Variants in DAAM1 observed in about 807,000 individuals in gnomAD.
The protein encoded by DAAM1 is dishevelled associated activator of morphogenesis 1.
A neutral mutation model predicts 130.0 loss-of-function variants in DAAM1; 52 were observed. That is an observed-to-expected ratio of 0.40 (90% CI 0.32 to 0.50). The LOEUF is 0.50. DAAM1 is among the 20% of genes least tolerant of loss of function. The pLI, the probability that DAAM1 is intolerant of heterozygous loss-of-function variation, is 0.61. For missense variants in DAAM1, 1,134 were observed against 1,303.8 expected (o/e 0.87, Z 2.01); for synonymous variants, 452 against 444.5 (o/e 1.02, Z -0.21).
intron 3 of DAAM1, among the ~76,000 whole-genome samples, chr14:59,294,775 G>A (rs897964962): frequency 8.8e-5 from 13 of 147,172 alleles, no homozygotes; most frequent in Admixed American, 6.1e-4. Context: ...ATTTTAAACT[G>A]AAGCTTTTTA....
chr14:59,281,372 C>T (rs577946725), intron 2 of DAAM1, among the ~76,000 whole-genome samples: 1 of 152,156 alleles, frequency 6.6e-6, no homozygotes, highest in African/African-American at 2.4e-5. Context: ...GGTGAAGTGG[C>T]GTATTTAAAG....
intron 2 of DAAM1, among the ~76,000 whole-genome samples, chr14:59,289,784 A>ATATATATATATATATATATATATAT: frequency 4.8e-4 from 62 of 128,642 alleles, no homozygotes; most frequent in South Asian, 7.3e-4. Flanking sequence ...ATATATATAT[A>ATATATATATATATATATATATATAT]ATGGAATGCT....
intron 1 of DAAM1, among the ~76,000 whole-genome samples, chr14:59,191,390 C>A (rs1288431988): frequency 1.3e-5 from 2 of 151,724 alleles, no homozygotes; most frequent in Non-Finnish European, 2.9e-5. Context: ...TTTTCTGTCC[C>A]CCCAGCATTT....
chr14:59,308,429 T>C (rs1415419248), intron 3 of DAAM1, among the ~76,000 whole-genome samples: 51 of 152,222 alleles, frequency 3.4e-4, no homozygotes, highest in Non-Finnish European at 1.5e-5. Flanking sequence ...ATTAAACTTA[T>C]TCCATGCAGT....
intron 3 of DAAM1, among the ~76,000 whole-genome samples, chr14:59,301,383 G>A (rs76990548): frequency 0.062 from 9,461 of 151,928 alleles, 379 homozygotes; most frequent in Non-Finnish European, 0.093. Flanking sequence ...AATATTGAAC[G>A]AATTGTTCAT....
At chr14:59,324,268 T>C (rs1885126206) in intron 7 of DAAM1, 30 bp downstream of exon 7, 1 of 1,381,592 alleles carries the variant, frequency 7.2e-7, no homozygotes, top group Non-Finnish European at 9.5e-7. Flanking sequence ...TAAAAATATA[T>C]TAGTAAATAA....
In DAAM1 at chr14:59,368,869, A is replaced by T. The variant is rs906950382; in HGVS notation, c.*10A>T. 1 of 1,612,024 alleles carries T rather than the reference A, an allele frequency of 6.2e-7. No homozygotes were observed. Among genetic ancestry groups the T allele is most frequent in the Non-Finnish European group, 8.5e-7 (1 of 1,178,838 alleles). ...AAAACTTAATTTCTAATTTTCCATG[A>T]ATACTTTTTTTTAGAAAGCTCATTA... On this transcript the variant is annotated 3_prime_UTR_variant, in exon 25 of 25. Coordinates refer to ENST00000360909, the MANE Select transcript of DAAM1 (RefSeq NM_001270520.2).
intron 15 of DAAM1, chr14:59,338,461 C>T: frequency 6.2e-7 from 1 of 1,600,032 alleles, no homozygotes; most frequent in Non-Finnish European, 8.6e-7. Flanking sequence ...CTCCTTGGCT[C>T]ACTGTAAGCT....
At chr14:59,268,947 C>A (rs1264751012) in intron 2 of DAAM1, among the ~76,000 whole-genome samples, 1 of 152,218 alleles carries the variant, frequency 6.6e-6, no homozygotes, top group African/African-American at 2.4e-5. Context: ...CTAAGCGTGA[C>A]AACTCTATAA....
At position 59,326,656 on chromosome 14, in the gene DAAM1, T is replaced by C. The variant is rs1172899486; in HGVS notation, c.1313+8T>C. ...TAAGAATGTCGTACGAATGTAAGTC[T>C]CTTCTTATTCTGCTGCTGTGAGATA... is the stretch of plus-strand genomic sequence containing the variant. On this transcript the variant is annotated splice_region_variant and intron_variant, in intron 11 of 24. Transcript: ENST00000360909. 2.5e-6 allele frequency: 4 copies of C among 1,609,244 alleles called. No homozygotes were observed. The East Asian group carries it at 8.9e-5, about 36-fold the overall frequency.
chr14:59,216,582 G>A (rs920636803), intron 1 of DAAM1, among the ~76,000 whole-genome samples: 1 of 152,118 alleles, frequency 6.6e-6, no homozygotes, highest in Non-Finnish European at 1.5e-5. Context: ...CTAGTTGCTC[G>A]TGGTGGCATG....
chr14:59,344,719 G>A (rs1473932790), intron 16 of DAAM1, among the ~76,000 whole-genome samples: 2 of 152,190 alleles, frequency 1.3e-5, no homozygotes, highest in African/African-American at 4.8e-5. Flanking sequence ...ATTAGAGCTA[G>A]TGTTTAGTCC....
chr14:59,360,601 C>A, intron 21 of DAAM1: 1 of 391,390 alleles, frequency 2.6e-6, no homozygotes. Flanking sequence ...CTGCTGGCTA[C>A]AGAAAACAAA....
At chr14:59,201,404 C>G (rs907219772) in intron 1 of DAAM1, among the ~76,000 whole-genome samples, 2 of 151,986 alleles carry the variant, frequency 1.3e-5, no homozygotes, top group African/African-American at 2.4e-5. Context: ...GGGTGGACCA[C>G]CTGAGGTCAG....
chr14:59,278,623 T>A (rs1042771994), intron 2 of DAAM1, among the ~76,000 whole-genome samples: 1 of 152,140 alleles, frequency 6.6e-6, no homozygotes, highest in East Asian at 1.9e-4. Context: ...AAAAACAAAC[T>A]GAAAAGGTTC....
rs558684148 is a variant in DAAM1 at position 59,340,252 on chromosome 14, A to G, written c.2075+72A>G. ...ATTCTGTGGCTCAAAACCACATGTT[A>G]GTGATTTTGTTTTAATTGTACTCTG... is the stretch of plus-strand genomic sequence containing the variant. On this transcript the variant is annotated intron_variant, in intron 16 of 24. Transcript: ENST00000360909. The G allele has an allele frequency of 1.9e-5, 28 of 1,438,858 alleles. No individual in the cohort carries two copies. The African/African-American group carries it at 2.1e-4, about 11-fold the overall frequency. 89.1% of individuals were successfully genotyped at this position (1,438,858 alleles called of 1,614,324 possible).
chr14:59,214,259 C>T (rs893297898), intron 1 of DAAM1, among the ~76,000 whole-genome samples: 3 of 152,152 alleles, frequency 2.0e-5, no homozygotes, highest in South Asian at 2.1e-4. Context: ...TTCTTGTATA[C>T]GTTGGTTTAA....
intron 1 of DAAM1, among the ~76,000 whole-genome samples, chr14:59,236,830 T>C: frequency 6.6e-6 from 1 of 152,248 alleles, no homozygotes; most frequent in African/African-American, 2.4e-5. Context: ...ATTTGTAATA[T>C]AAGTGGTTTT....
chr14:59,189,984 A>G (rs765994104), intron 1 of DAAM1, among the ~76,000 whole-genome samples: 2 of 152,152 alleles, frequency 1.3e-5, no homozygotes, highest in Non-Finnish European at 2.9e-5. Flanking sequence ...AGATTCGAGC[A>G]GGACCCAGTG....
Sources: allele counts gnomAD v4.1 joint callset (sites outside exome capture counted in the v4.1 genomes callset), GRCh38; gene constraint gnomAD v4.1.1; transcripts MANE v1.5; gene names NCBI Gene and HGNC (gene_info 2026-07-23, HGNC 2026-07-21).